Variants in VWA8 observed in about 807,000 individuals in gnomAD.
VWA8 encodes the protein von Willebrand factor A domain-containing protein 8.
In VWA8, 221 loss-of-function variants were observed where a neutral mutation model predicts 241.5. The ratio of observed to expected loss-of-function variants is 0.91; its 90% CI spans 0.82 to 1.02. The LOEUF (loss-of-function observed/expected upper bound fraction) is 1.02, where lower values mean the gene tolerates loss of function less well. Among genes scored for constraint, VWA8 ranks in the 50% least tolerant of loss-of-function variants. The pLI is 0.00. For synonymous variants in VWA8, 852 were observed against 827.1 expected (o/e 1.03, Z -0.52); for missense variants, 2,322 against 2,328.7 (o/e 1.00, Z 0.06).
chr13:41,912,837 T>A (rs925646684), intron 2 of VWA8, among the ~76,000 whole-genome samples: 16 of 152,208 alleles, frequency 1.1e-4, no homozygotes, highest in African/African-American at 3.4e-4. Flanking sequence ...ACCCCATCAA[T>A]GTGCTCATCT....
At chr13:41,866,375 A>ATG (rs1389908866) in intron 10 of VWA8, among the ~76,000 whole-genome samples, 39 of 145,824 alleles carry the variant, frequency 2.7e-4, no homozygotes, top group Admixed American at 4.1e-4. Context: ...ATATATATAT[A>ATG]TGTGTGTGTG....
intron 10 of VWA8, among the ~76,000 whole-genome samples, chr13:41,866,750 A>G (rs1412475346): frequency 6.6e-6 from 1 of 152,188 alleles, no homozygotes; most frequent in Non-Finnish European, 1.5e-5. Flanking sequence ...ACAGAATTTA[A>G]TGTTAGTCCA....
chr13:41,860,711 A>G (rs928095483), intron 12 of VWA8, among the ~76,000 whole-genome samples: 1 of 152,204 alleles, frequency 6.6e-6, no homozygotes, highest in African/African-American at 2.4e-5. Context: ...ACAAGATAGC[A>G]TACTCAAAGG....
At chr13:41,948,630 C>G (rs540512810) in intron 2 of VWA8, among the ~76,000 whole-genome samples, 8 of 152,090 alleles carry the variant, frequency 5.3e-5, no homozygotes, top group African/African-American at 1.9e-4. Context: ...ACATCACTGT[C>G]GGTCAAAGGT....
chr13:41,828,386 G>A (rs962244692), intron 14 of VWA8, among the ~76,000 whole-genome samples: 5 of 152,198 alleles, frequency 3.3e-5, no homozygotes, highest in African/African-American at 1.2e-4. Context: ...GAGTTCCTCT[G>A]TATGCCAATC....
chr13:41,721,879 A>G (rs2045395422), intron 24 of VWA8, among the ~76,000 whole-genome samples: 1 of 152,210 alleles, frequency 6.6e-6, no homozygotes, highest in Non-Finnish European at 1.5e-5. Flanking sequence ...AGTCTATGCC[A>G]ATGCCACTCC....
intron 17 of VWA8, among the ~76,000 whole-genome samples, chr13:41,809,003 T>C (rs1468126188): frequency 6.6e-6 from 1 of 151,842 alleles, no homozygotes; most frequent in African/African-American, 2.4e-5. Flanking sequence ...AGTAATCCAA[T>C]TTACAACAGC....
chr13:41,568,973 C>T (rs951312305), intron 44 of VWA8, among the ~76,000 whole-genome samples: 115 of 151,096 alleles, frequency 7.6e-4, no homozygotes, highest in African/African-American at 2.2e-3. Flanking sequence ...ATTGAAGTTA[C>T]GATACTTTTT....
At chr13:41,596,669 GA>G (rs1329672640) in intron 40 of VWA8, among the ~76,000 whole-genome samples, 2 of 151,802 alleles carry the variant, frequency 1.3e-5, no homozygotes, top group East Asian at 3.9e-4. Context: ...CAGACTTTCT[GA>G]AAAAGAAATA....
rs1176300968 is a variant in VWA8, at chr13:41,765,528, T to C, written c.2350-4324A>G. On this transcript the variant is annotated intron_variant, in intron 20 of 44. Coordinates refer to ENST00000379310, the MANE Select transcript of VWA8 (RefSeq NM_015058.2). ...AGCAAAATGAAACAGTTATAATGAC[T>C]TGTTCCTTCTAATCACAGTTTTTGC... Among the ~76,000 whole-genome samples the C allele has an allele frequency of 2.0e-5, 3 of 152,364 alleles. No individual in the cohort carries two copies. In the East Asian group the frequency reaches 5.8e-4, roughly 29 times the overall value.
In VWA8 at chr13:41,573,543, A is replaced by G. The variant is rs189096067; in HGVS notation, c.5370+2197T>C. On this transcript the variant is annotated intron_variant, in intron 43 of 44. Coordinates refer to ENST00000379310, the MANE Select transcript of VWA8 (RefSeq NM_015058.2). ...TATATACGTGTATATATATATACGTATATATAAAATATATACACGTATATA... is the reference window on the plus strand; with the variant it reads ...TATATACGTGTATATATATATACGTGTATATAAAATATATACACGTATATA... Among the ~76,000 whole-genome samples, 234 of 142,968 alleles carry G rather than the reference A, an allele frequency of 1.6e-3. 2 individuals carry two copies. Among genetic ancestry groups the G allele is most frequent in the African/African-American group, 5.6e-3 (210 of 37,782 alleles). The allele number at this position is 142,968 out of a possible 152,430, so 93.8% of individuals were successfully genotyped here.
At chr13:41,843,266 G>C (rs1463258633) in intron 12 of VWA8, among the ~76,000 whole-genome samples, 1 of 152,140 alleles carries the variant, frequency 6.6e-6, no homozygotes, top group Non-Finnish European at 1.5e-5. Flanking sequence ...TATTCAAATA[G>C]TACTACAAAC....
In VWA8 at chr13:41,947,931, C is replaced by CAAAAAAAA. The variant is rs1218456579; in HGVS notation, c.241+1997_241+2004dup. Reference sequence around the variant, plus strand: ...TGGGCCACAAAGTGAGACCCTGTCTCAAAAAAAAAAAAAAAAAAAAAACAA... The same window carrying CAAAAAAAA: ...TGGGCCACAAAGTGAGACCCTGTCTCAAAAAAAAAAAAAAAAAAAAAAAAAAAAAACAA... On this transcript the variant is annotated intron_variant, in intron 2 of 44. Coordinates refer to ENST00000379310, the MANE Select transcript of VWA8 (RefSeq NM_015058.2). Among the ~76,000 whole-genome samples, 13 of 20,442 alleles carry CAAAAAAAA rather than the reference C, an allele frequency of 6.4e-4. 3 individuals are homozygous for CAAAAAAAA. Among genetic ancestry groups the CAAAAAAAA allele is most frequent in the African/African-American group, 8.3e-4 (7 of 8,480 alleles). 13.4% of individuals were successfully genotyped at this position (20,442 alleles called of 152,430 possible).
chr13:41,691,464 G>C lies in VWA8; in HGVS notation c.3741-19C>G. ...GCTGTTCCTGGAAAAGAAGAAAACT[G>C]TATCTGAAAGGAAATGGTGAGGATA... is the stretch of plus-strand genomic sequence containing the variant. On this transcript the variant is annotated intron_variant, in intron 31 of 44. Transcript: ENST00000379310. 6.2e-7 allele frequency: 1 copy of C among 1,609,930 alleles called. No individual in the cohort carries two copies. Among genetic ancestry groups the C allele is most frequent in the Non-Finnish European group, 8.5e-7 (1 of 1,177,680 alleles).
intron 4 of VWA8, among the ~76,000 whole-genome samples, chr13:41,901,879 AAAAAAAAAAAATATAT>A (rs1281961289): frequency 1.1e-5 from 1 of 93,124 alleles, no homozygotes; most frequent in African/African-American, 3.3e-5. Flanking sequence ...AAAAAAAAAA[AAAAAAAAAAAATATAT>A]ATATATATAT....
At chr13:41,730,877 T>C (rs768768664) in intron 22 of VWA8, among the ~76,000 whole-genome samples, 4 of 151,838 alleles carry the variant, frequency 2.6e-5, no homozygotes, top group South Asian at 4.1e-4. Context: ...AAAAAACTTA[T>C]AAGAAATTTC....
Position 41,675,315 on chromosome 13 carries a change from A to C in VWA8, c.4328-19T>G. 1.3e-6 allele frequency: 2 copies of C among 1,579,028 alleles called. No homozygotes were observed. Among genetic ancestry groups the C allele is most frequent in the Non-Finnish European group, 1.7e-6 (2 of 1,150,664 alleles). On this transcript the variant is annotated intron_variant, in intron 35 of 44. Coordinates refer to ENST00000379310, the MANE Select transcript of VWA8 (RefSeq NM_015058.2). The stretch of plus-strand genomic sequence containing the variant: ...GTAACATCTACAAACAAGTCATGAC[A>C]TGAGCCAAGTATTAAATTACTGCAA...
intron 6 of VWA8, 23 bp from the exon 7 acceptor site, chr13:41,886,853 T>G (rs1250596591): frequency 6.6e-7 from 1 of 1,512,200 alleles, no homozygotes; most frequent in African/African-American, 1.4e-5. Context: ...AGAAACATAT[T>G]AAATTAATTA....
chr13:41,835,676 T>C lies in VWA8; in HGVS notation c.1426-2145A>G, dbSNP rs148214418. ...AATAAGTGTCTGTGGGTCATTTTTATAGTCAAACTATGAAAAAAAATCAAA... is the reference window on the plus strand; with the variant it reads ...AATAAGTGTCTGTGGGTCATTTTTACAGTCAAACTATGAAAAAAAATCAAA... On this transcript the variant is annotated intron_variant, in intron 12 of 44. Coordinates refer to ENST00000379310, the MANE Select transcript of VWA8 (RefSeq NM_015058.2). Among the ~76,000 whole-genome samples, 30 of 152,246 alleles carry C rather than the reference T, an allele frequency of 2.0e-4. 1 individual carries two copies. Among genetic ancestry groups the C allele is most frequent in the African/African-American group, 6.7e-4 (28 of 41,548 alleles).
Sources: allele counts gnomAD v4.1 joint callset (sites outside exome capture counted in the v4.1 genomes callset), GRCh38; gene constraint gnomAD v4.1.1; transcripts MANE v1.5; gene names NCBI Gene and HGNC (gene_info 2026-07-23, HGNC 2026-07-21).